The following SH3RF3 variants were observed in gnomAD, a reference collection of about 807,000 sequenced individuals.
The protein encoded by SH3RF3 is SH3 domain containing ring finger 3.
SH3RF3 carries 29 observed loss-of-function variants against 66.3 expected under a neutral mutation model. The observed-to-expected ratio is 0.44, with a 90% CI of 0.33 to 0.60. The LOEUF (loss-of-function observed/expected upper bound fraction) is 0.60, where lower values mean the gene tolerates loss of function less well. SH3RF3 is among the 20% of genes least tolerant of loss of function. The probability of loss-of-function intolerance (pLI) is 0.04; values close to 1 mark genes in which losing one functional copy is unlikely to be tolerated. For synonymous variants in SH3RF3, 583 were observed against 532.0 expected (o/e 1.10, Z -1.32); for missense variants, 1,194 against 1,190.9 (o/e 1.00, Z -0.04).
At chr2:109,342,463 A>G (rs1682576058) in intron 1 of SH3RF3, among the ~76,000 whole-genome samples, 2 of 152,184 alleles carry the variant, frequency 1.3e-5, no homozygotes, top group Admixed American at 1.3e-4. Flanking sequence ...CTAATTGTGA[A>G]GGGGGCCCTC....
At chr2:109,130,210 C>A in intron 1 of SH3RF3, 97 bp downstream of exon 1, 1 of 1,147,002 alleles carries the variant, frequency 8.7e-7, no homozygotes, top group Non-Finnish European at 1.1e-6. Flanking sequence ...GAGGAGACCA[C>A]GGGTGGTCCT....
chr2:109,450,426 C>T (rs748457786), intron 8 of SH3RF3, among the ~76,000 whole-genome samples: 18 of 151,998 alleles, frequency 1.2e-4, no homozygotes, highest in Non-Finnish European at 1.9e-4. Flanking sequence ...GTTAGATTAA[C>T]CAGGATGAGA....
intron 1 of SH3RF3, among the ~76,000 whole-genome samples, chr2:109,257,953 A>G (rs541639299): frequency 3.0e-4 from 46 of 152,074 alleles, no homozygotes; most frequent in African/African-American, 9.6e-4. Flanking sequence ...TTTTGTGTTC[A>G]CCATTCTAGC....
intron 1 of SH3RF3, among the ~76,000 whole-genome samples, chr2:109,267,489 A>C (rs1486911200): frequency 6.6e-6 from 1 of 152,170 alleles, no homozygotes; most frequent in Non-Finnish European, 1.5e-5. Flanking sequence ...AGTGTTGCTG[A>C]GACACAGGTG....
intron 1 of SH3RF3, among the ~76,000 whole-genome samples, chr2:109,323,645 T>C (rs1039907069): frequency 2.6e-5 from 4 of 152,214 alleles, no homozygotes; most frequent in Non-Finnish European, 5.9e-5. Context: ...TTGGTGAGGT[T>C]GAGCTGTGTG....
intron 1 of SH3RF3, among the ~76,000 whole-genome samples, chr2:109,301,778 G>A (rs776172001): frequency 1.6e-4 from 24 of 152,226 alleles, no homozygotes; most frequent in Non-Finnish European, 3.4e-4. Context: ...ATCCTTTTTG[G>A]GTGGGTTGCC....
In SH3RF3 at chr2:109,388,642, G is replaced by A. The variant is rs554355614; in HGVS notation, c.946-9948G>A. 2.0e-5 allele frequency among the ~76,000 whole-genome samples: 3 copies of A among 152,350 alleles called. No homozygotes were observed. In the South Asian group the frequency reaches 6.2e-4, roughly 32 times the overall value. ...TAGCTGCATTCATTCAAACACCTAT[G>A]CATGGAATAGGTGTTTATCGAGCAT... On this transcript the variant is annotated intron_variant, in intron 3 of 9. Coordinates refer to ENST00000309415, the MANE Select transcript of SH3RF3 (RefSeq NM_001099289.3).
At chr2:109,384,524 G>A (rs73955566) in intron 3 of SH3RF3, among the ~76,000 whole-genome samples, 9,509 of 151,984 alleles carry the variant, frequency 0.063, 719 homozygotes, top group African/African-American at 0.18. Flanking sequence ...GAGGGGCAGT[G>A]GGAAAAGGGC....
chr2:109,166,940 C>T (rs772875416), intron 1 of SH3RF3, among the ~76,000 whole-genome samples: 5 of 152,198 alleles, frequency 3.3e-5, no homozygotes, highest in African/African-American at 1.2e-4. Flanking sequence ...CATGATGCAT[C>T]CATAAATCTA....
In SH3RF3 at chr2:109,437,063, C is replaced by G. The variant is rs1677423660; in HGVS notation, c.1745C>G (p.Pro582Arg). 6.2e-7 allele frequency: 1 copy of G among 1,613,574 alleles called. No individual in the cohort carries two copies. The highest frequency in any genetic ancestry group is 8.5e-7 in the Non-Finnish European group (1 of 1,179,878). The stretch of plus-strand genomic sequence containing the variant: ...ACTCCCCAGGCCCACGCCCAGCACC[C>G]CACAGCCTCGCCCCCAACAGGCAGC... ...ITTPQAHAQHPTASPPTGSCL... is the reference protein window; with the variant it reads ...ITTPQAHAQHRTASPPTGSCL... Residue 582 changes from proline to arginine, a missense_variant, in exon 7 of 10, where the codon CCC becomes CGC. Physicochemically the swap from Pro to Arg is moderately radical, Grantham distance 103. Transcript: ENST00000309415.
At chr2:109,311,705 G>C (rs1016823596) in intron 1 of SH3RF3, among the ~76,000 whole-genome samples, 1 of 152,174 alleles carries the variant, frequency 6.6e-6, no homozygotes, top group Admixed American at 6.5e-5. Context: ...GATGTACCCT[G>C]GTGGTGGTTT....
intron 1 of SH3RF3, among the ~76,000 whole-genome samples, chr2:109,140,261 G>T (rs1574470166): frequency 6.6e-6 from 1 of 152,200 alleles, no homozygotes; most frequent in Non-Finnish European, 1.5e-5. Context: ...CTCTTCCTGA[G>T]ATCAGCTGCA....
chr2:109,487,747 G>A (rs1173360235), intron 8 of SH3RF3, among the ~76,000 whole-genome samples: 1 of 152,144 alleles, frequency 6.6e-6, no homozygotes, highest in African/African-American at 2.4e-5. Flanking sequence ...GCAAGAATCT[G>A]CCCACCGAGT....
intron 1 of SH3RF3, among the ~76,000 whole-genome samples, chr2:109,332,308 C>A (rs945972390): frequency 6.6e-6 from 1 of 152,132 alleles, no homozygotes; most frequent in Non-Finnish European, 1.5e-5. Context: ...GAGAGAGCTC[C>A]TCCTCCTGAT....
At chr2:109,346,807 A>T (rs1682719570) in intron 1 of SH3RF3, among the ~76,000 whole-genome samples, 1 of 152,184 alleles carries the variant, frequency 6.6e-6, no homozygotes, top group Non-Finnish European at 1.5e-5. Flanking sequence ...TGGGTTGGTT[A>T]ACCTCTGACG....
chr2:109,264,576 C>T (rs1574538116), intron 1 of SH3RF3, among the ~76,000 whole-genome samples: 2 of 152,206 alleles, frequency 1.3e-5, no homozygotes, highest in South Asian at 4.1e-4. Context: ...TCTCAAGGCA[C>T]GATTTAAAAC....
intron 1 of SH3RF3, among the ~76,000 whole-genome samples, chr2:109,297,345 A>G (rs1681339772): frequency 6.6e-6 from 1 of 152,028 alleles, no homozygotes; most frequent in Non-Finnish European, 1.5e-5. Flanking sequence ...TTGAGAGAAA[A>G]CCCACCAAAG....
chr2:109,395,256 G>A (rs1248395695), intron 3 of SH3RF3, among the ~76,000 whole-genome samples: 2 of 152,158 alleles, frequency 1.3e-5, no homozygotes, highest in African/African-American at 2.4e-5. Flanking sequence ...GTGTAGAGAT[G>A]CATCTGCCTG....
At chr2:109,354,905 TGTA>T (rs1682916544) in intron 2 of SH3RF3, among the ~76,000 whole-genome samples, 1 of 152,256 alleles carries the variant, frequency 6.6e-6, no homozygotes, top group African/African-American at 2.4e-5. Context: ...CCTTTGTGAA[TGTA>T]GTATTTACGA....
Sources: gnomAD v4.1 joint callset for allele counts (sites outside exome capture counted in the v4.1 genomes callset) on GRCh38, gnomAD v4.1.1 for gene constraint, MANE v1.5 for transcripts, NCBI Gene and HGNC (gene_info 2026-07-23, HGNC 2026-07-21) for gene names.